The following UPF3A variants were observed in gnomAD, a reference collection of about 807,000 sequenced individuals.
UPF3A encodes the protein regulator of nonsense transcripts 3A.
UPF3A carries 42 observed loss-of-function variants against 53.5 expected under a neutral mutation model. The ratio of observed to expected loss-of-function variants is 0.78; its 90% CI spans 0.61 to 1.01. UPF3A has a LOEUF of 1.01. Among genes scored for constraint, UPF3A ranks in the 50% least tolerant of loss-of-function variants. UPF3A has a pLI of 0.00. For synonymous variants in UPF3A, 237 were observed against 225.3 expected (o/e 1.05, Z -0.47); for missense variants, 575 against 598.0 (o/e 0.96, Z 0.40).
intron 7 of UPF3A, among the ~76,000 whole-genome samples, chr13:114,293,794 C>G (rs750842941): frequency 9.9e-5 from 15 of 152,050 alleles, no homozygotes; most frequent in Non-Finnish European, 1.6e-4. Flanking sequence ...ATCATTGAAC[C>G]ATAGATTTGT....
Position 114,290,924 on chromosome 13 carries a change from G to T in UPF3A, c.632-565G>T, listed in dbSNP as rs185535143. Reference sequence around the variant, plus strand: ...AATTTTGTATTTTTTCAGTAGAGACGGGGTTTCCTTAGGTTGGTCAGGCTG... The same window carrying T: ...AATTTTGTATTTTTTCAGTAGAGACTGGGTTTCCTTAGGTTGGTCAGGCTG... On this transcript the variant is annotated intron_variant, in intron 5 of 9. Coordinates refer to ENST00000375299, the MANE Select transcript of UPF3A (RefSeq NM_023011.4). Among the ~76,000 whole-genome samples, 4 of 151,576 alleles carry T rather than the reference G, an allele frequency of 2.6e-5. No homozygotes were observed. In the East Asian group the frequency reaches 7.7e-4, roughly 29 times the overall value.
At chr13:114,293,637 A>T (rs914915655) in intron 7 of UPF3A, among the ~76,000 whole-genome samples, 1 of 152,166 alleles carries the variant, frequency 6.6e-6, no homozygotes, top group Non-Finnish European at 1.5e-5. Context: ...TCTCCTCAGT[A>T]CTAAACCTAG....
chr13:114,300,536 T>C (rs2086498263), intron 8 of UPF3A, among the ~76,000 whole-genome samples: 1 of 124,898 alleles, frequency 8.0e-6, no homozygotes, highest in Non-Finnish European at 1.6e-5. Context: ...GCCTGGCTAA[T>C]TTTTGTTTTT....
chr13:114,290,811 G>A (rs1217438431), intron 5 of UPF3A, among the ~76,000 whole-genome samples: 2 of 148,174 alleles, frequency 1.3e-5, no homozygotes, highest in Non-Finnish European at 3.0e-5. Flanking sequence ...TCGGCTCACT[G>A]CAACCTCCTC....
Position 114,282,895 on chromosome 13 carries a change from C to T in UPF3A, c.373C>T (p.Leu125Phe). The change falls in exon 3 of 10, where the codon CTT becomes TTT. Residue 125 changes from leucine (L) to phenylalanine (F), a missense_variant. By Grantham distance (22) the Leu-to-Phe change is conservative. Around this residue, in one of 2 missense-constraint regions of UPF3A, gnomAD observed 252 missense variants for 182.7 expected, o/e 1.38. Coordinates refer to ENST00000375299, the MANE Select transcript of UPF3A (RefSeq NM_023011.4). Reference protein sequence around the residue: ...YINFRNPDDILLFRDRFDGYI... With the variant: ...YINFRNPDDIFLFRDRFDGYI... ...TAATTTTAGGAATCCTGATGACATC[C>T]TTCTTTTTAGAGATCGTTTTGATGG... 1.2e-6 allele frequency: 2 copies of T among 1,612,480 alleles called. No individual in the cohort carries two copies. Among genetic ancestry groups the T allele is most frequent in the Non-Finnish European group, 1.7e-6 (2 of 1,179,160 alleles).
Position 114,304,939 on chromosome 13 carries a change from C to T in UPF3A, c.*22C>T. ...GTGAGTCACTGCACGCACCTGGCCT[C>T]CATGGACGAGCAAGGGCATCCCAGA... On this transcript the variant is annotated 3_prime_UTR_variant, in exon 10 of 10. Transcript: ENST00000375299. 3.1e-6 allele frequency: 5 copies of T among 1,607,366 alleles called. No homozygotes were observed. Among genetic ancestry groups the T allele is most frequent in the Non-Finnish European group, 4.2e-6 (5 of 1,177,018 alleles).
At chr13:114,301,258 G>A (rs143347442) in intron 8 of UPF3A, among the ~76,000 whole-genome samples, 7,263 of 152,016 alleles carry the variant, frequency 0.048, 527 homozygotes, top group East Asian at 0.37. Flanking sequence ...TCAGGAGATC[G>A]AGACCATCCT....
chr13:114,301,633 A>C (rs773885268), intron 8 of UPF3A, 98 bp from the exon 9 acceptor site: 355 of 1,266,008 alleles, frequency 2.8e-4, no homozygotes, highest in Non-Finnish European at 3.6e-4. Context: ...AGCACTTCGC[A>C]TGGGTCCCTG....
intron 3 of UPF3A, chr13:114,283,692 G>C (rs1165753147): frequency 1.1e-6 from 1 of 910,916 alleles, no homozygotes; most frequent in Non-Finnish European, 1.3e-6. Context: ...AGCTTTGCCT[G>C]CGGAGACAGC....
chr13:114,297,083 C>A (rs1345189504), intron 7 of UPF3A, among the ~76,000 whole-genome samples: 1 of 152,146 alleles, frequency 6.6e-6, no homozygotes, highest in Non-Finnish European at 1.5e-5. Flanking sequence ...TTGCATGATG[C>A]GTTGTGTTCC....
rs558712644 is a variant in UPF3A at position 114,282,349 on chromosome 13, C to G, written c.314+222C>G. The G allele has an allele frequency of 3.6e-4, 374 of 1,050,052 alleles. 1 individual carries two copies. The highest frequency in any genetic ancestry group is 5.5e-4 in the Admixed American group (15 of 27,274). The allele number at this position is 1,050,052 out of a possible 1,614,324, so 65.0% of individuals were successfully genotyped here. A position where few individuals can be genotyped will look rare whatever the true frequency, so the allele number is the denominator to read the frequency against. On this transcript the variant is annotated intron_variant, in intron 2 of 9. Coordinates refer to ENST00000375299, the MANE Select transcript of UPF3A (RefSeq NM_023011.4). The stretch of plus-strand genomic sequence containing the variant: ...TTACATGAAAAATGCGGATGATTTT[C>G]AGACGGCTAACGCTTAGGAAAGCGG...
intron 5 of UPF3A, among the ~76,000 whole-genome samples, chr13:114,289,200 T>G (rs951754648): frequency 4.6e-5 from 7 of 152,142 alleles, no homozygotes; most frequent in Admixed American, 4.6e-4. Flanking sequence ...AGAGTCTTCC[T>G]TGTTTCTGTG....
chr13:114,301,464 GA>G (rs201804984), intron 8 of UPF3A, among the ~76,000 whole-genome samples: 7,438 of 114,918 alleles, frequency 0.065, 484 homozygotes, highest in East Asian at 0.4. Context: ...CTCCATCTCA[GA>G]AAAAAAAAAA....
intron 3 of UPF3A, chr13:114,285,103 C>T (rs2084546075): frequency 6.6e-6 from 1 of 152,208 alleles, no homozygotes; most frequent in Non-Finnish European, 1.5e-5. Flanking sequence ...TATCGAGTTA[C>T]TTTTTGTATA....
At chr13:114,291,919 T>G (rs1256966750) in intron 7 of UPF3A, 127 bp downstream of exon 7, 2 of 1,170,520 alleles carry the variant, frequency 1.7e-6, no homozygotes, top group Non-Finnish European at 2.3e-6. Context: ...GTTGTTATTT[T>G]TTTCCATCTT....
chr13:114,299,897 G>C (rs2086434033), intron 8 of UPF3A, among the ~76,000 whole-genome samples: 1 of 152,248 alleles, frequency 6.6e-6, no homozygotes, highest in Non-Finnish European at 1.5e-5. Flanking sequence ...GCTTCCCAGA[G>C]CCATAGTCGT....
intron 3 of UPF3A, chr13:114,283,806 C>T (rs1594751301): frequency 2.0e-6 from 2 of 985,562 alleles, no homozygotes; most frequent in Non-Finnish European, 2.4e-6. Context: ...TGTTGTGTTC[C>T]TGGCTGTCAA....
At chr13:114,283,859 C>T in intron 3 of UPF3A, 1 of 985,468 alleles carries the variant, frequency 1.0e-6, no homozygotes, top group Non-Finnish European at 1.2e-6. Flanking sequence ...GCCCTCCCCT[C>T]CCCAGCCACC....
In UPF3A at chr13:114,281,812, A is replaced by C; in HGVS notation, c.173A>C (p.Lys58Thr). ...SSSGCGGGAG[K>T]PREEKRTALS... is the part of the protein sequence containing the mutation. ...TCCGGTTGCGGGGGCGGTGCGGGCA[A>C]ACCTCGCGAGGAGAAGAGGACGGCC... The change falls in exon 1 of 10, where the codon AAA (lysine) becomes ACA (threonine). Residue 58 changes from lysine (K) to threonine (T), a missense_variant. Coordinates refer to ENST00000375299, the MANE Select transcript of UPF3A (RefSeq NM_023011.4). 1.9e-6 allele frequency: 3 copies of C among 1,544,728 alleles called. No individual in the cohort carries two copies. Among genetic ancestry groups the C allele is most frequent in the Non-Finnish European group, 2.6e-6 (3 of 1,143,456 alleles).
Sources: allele counts gnomAD v4.1 joint callset (sites outside exome capture counted in the v4.1 genomes callset), GRCh38; gene constraint gnomAD v4.1.1; regional missense constraint gnomAD v4.1.1; transcripts MANE v1.5; gene names NCBI Gene and HGNC (gene_info 2026-07-23, HGNC 2026-07-21).